TMEM131: variants seen among roughly 807,000 people sequenced by gnomAD.
TMEM131 encodes 2610524E03Rik.
A neutral mutation model predicts 211.6 loss-of-function variants in TMEM131; 66 were observed. That is an observed-to-expected ratio of 0.31 (90% CI 0.26 to 0.38). The LOEUF is 0.38. TMEM131 is among the 10% of genes least tolerant of loss of function. TMEM131 has a pLI of 1.00. For synonymous variants in TMEM131, 844 were observed against 841.3 expected, an observed-to-expected ratio of 1.00 and a Z score of -0.06; for missense variants, 2,036 against 2,299.3, an observed-to-expected ratio of 0.89 and a Z score of 2.34.
chr2:97,937,825 C>T (rs927873369), intron 1 of TMEM131, among the ~76,000 whole-genome samples: 2 of 152,126 alleles, frequency 1.3e-5, no homozygotes, highest in African/African-American at 4.8e-5. Flanking sequence ...AGACTAACAG[C>T]GGATCTCTCT....
At chr2:97,844,049 T>G (rs1683316915) in intron 6 of TMEM131, 96 bp downstream of exon 6, 1 of 381,896 alleles carries the variant, frequency 2.6e-6, no homozygotes, top group South Asian at 1.3e-4. Flanking sequence ...CATTTTCTAT[T>G]ATCCTTTGAG....
rs539320627 is a variant in TMEM131, at chr2:97,908,350, C to T, written c.290+308G>A. 7.2e-5 allele frequency among the ~76,000 whole-genome samples: 11 copies of T among 152,258 alleles called. 1 individual carries two copies. The South Asian group carries it at 2.3e-3, about 32-fold the overall frequency. ...GCAGCAGTGGTCAGTACATCAAAAG[C>T]AGGGATAGCCACAAGAGAAGCCTCT... On this transcript the variant is annotated intron_variant, in intron 3 of 40. Coordinates refer to ENST00000186436, the MANE Select transcript of TMEM131 (RefSeq NM_015348.2).
At chr2:97,955,852 T>G (rs1678543207) in intron 1 of TMEM131, among the ~76,000 whole-genome samples, 1 of 152,040 alleles carries the variant, frequency 6.6e-6, no homozygotes, top group African/African-American at 2.4e-5. Flanking sequence ...AAAGAAAACC[T>G]AAATAAATGA....
intron 31 of TMEM131, among the ~76,000 whole-genome samples, chr2:97,782,270 G>C (rs1387221754): frequency 1.3e-5 from 2 of 152,192 alleles, no homozygotes; most frequent in Non-Finnish European, 2.9e-5. Context: ...CCCTGCCCTT[G>C]CGAGTCAACA....
In TMEM131 at chr2:97,802,800, C is replaced by T. The variant is rs556979621; in HGVS notation, c.2403-10G>A. ...AAATATAGCACTCAATCTAGAAAAA[C>T]AATTTGTAAGTCACTGTATCAAAAT... On this transcript the variant is annotated splice_polypyrimidine_tract_variant and intron_variant, in intron 22 of 40. Transcript: ENST00000186436. The T allele has an allele frequency of 1.6e-5, 24 of 1,531,574 alleles. No individual in the cohort carries two copies. In the African/African-American group the frequency reaches 2.8e-4, roughly 18 times the overall value. The allele number at this position is 1,531,574 out of a possible 1,614,324, so 94.9% of individuals were successfully genotyped here.
At chr2:97,906,063 G>C (rs1350012936) in intron 3 of TMEM131, among the ~76,000 whole-genome samples, 3 of 152,194 alleles carry the variant, frequency 2.0e-5, no homozygotes, top group Admixed American at 1.3e-4. Context: ...AAGCCTCTCA[G>C]GGTTTAGTTG....
At chr2:97,983,459 G>C (rs116834002) in intron 1 of TMEM131, among the ~76,000 whole-genome samples, 1,820 of 152,186 alleles carry the variant, frequency 0.012, 40 homozygotes, top group African/African-American at 0.041. Flanking sequence ...TCCTGTCTAG[G>C]CGCCACTAAG....
chr2:97,761,813 A>C, intron 36 of TMEM131: 1 of 497,728 alleles, frequency 2.0e-6, no homozygotes, highest in Non-Finnish European at 3.5e-6. Flanking sequence ...ACAGGTGGTA[A>C]GAATGAATGG....
At chr2:97,988,558 G>A (rs758673318) in intron 1 of TMEM131, among the ~76,000 whole-genome samples, 3 of 152,110 alleles carry the variant, frequency 2.0e-5, no homozygotes, top group African/African-American at 7.2e-5. Context: ...AATATATAAG[G>A]AACTCCTATA....
At chr2:97,894,630 T>C (rs991831383) in intron 3 of TMEM131, among the ~76,000 whole-genome samples, 1 of 152,218 alleles carries the variant, frequency 6.6e-6, no homozygotes, top group African/African-American at 2.4e-5. Flanking sequence ...AGGTATTTTG[T>C]TCTCTTTGTA....
intron 1 of TMEM131, among the ~76,000 whole-genome samples, chr2:97,974,600 G>C (rs1167245677): frequency 6.8e-6 from 1 of 146,706 alleles, no homozygotes. Context: ...AAAGTATCAA[G>C]AGAAAAAAAA....
intron 1 of TMEM131, among the ~76,000 whole-genome samples, chr2:97,952,094 G>A (rs1365767658): frequency 2.0e-5 from 3 of 151,326 alleles, no homozygotes; most frequent in African/African-American, 7.3e-5. Flanking sequence ...GAGGCGGAGG[G>A]TGCAGTGAGC....
chr2:97,816,003 T>A (rs1443763213), intron 12 of TMEM131, among the ~76,000 whole-genome samples: 1 of 152,178 alleles, frequency 6.6e-6, no homozygotes, highest in African/African-American at 2.4e-5. Context: ...TATTATATTG[T>A]CCTCATCTTA....
chr2:97,945,727 T>A (rs1559466442), intron 1 of TMEM131, among the ~76,000 whole-genome samples: 1 of 150,500 alleles, frequency 6.6e-6, no homozygotes, highest in Non-Finnish European at 1.5e-5. Context: ...GTAAAGAATA[T>A]GAATGTTTTT....
intron 4 of TMEM131, 75 bp from the exon 5 acceptor site, chr2:97,859,502 T>C (rs910878765): frequency 3.8e-6 from 5 of 1,301,312 alleles, no homozygotes; most frequent in Non-Finnish European, 5.1e-6. Flanking sequence ...AAAAAATTAA[T>C]CAAAATTGTT....
At chr2:97,826,950 A>C (rs1390606145) in intron 11 of TMEM131, among the ~76,000 whole-genome samples, 1 of 151,938 alleles carries the variant, frequency 6.6e-6, no homozygotes, top group Non-Finnish European at 1.5e-5. Context: ...ATCTTAACTA[A>C]TTACTATACA....
chr2:97,986,513 G>A (rs898967775), intron 1 of TMEM131, among the ~76,000 whole-genome samples: 1 of 152,058 alleles, frequency 6.6e-6, no homozygotes, highest in African/African-American at 2.4e-5. Context: ...CAATAAAACT[G>A]GACCTAATTC....
In TMEM131 at chr2:97,805,520, A is replaced by G. The variant is rs77545844; in HGVS notation, c.2208+31T>C. The G allele has an allele frequency of 2.1e-3, 3,321 of 1,610,538 alleles. 61 individuals are homozygous for G. The African/African-American group carries it at 0.039, about 19-fold the overall frequency. On this transcript the variant is annotated intron_variant, in intron 20 of 40. Transcript: ENST00000186436. ...AGGTCATAAAACAAAATGTTAACCA[A>G]TGGGAATTCTCAAATATAATATCTT...
chr2:97,767,870 T>C (rs1679252104), intron 33 of TMEM131, among the ~76,000 whole-genome samples: 1 of 152,192 alleles, frequency 6.6e-6, no homozygotes, highest in Non-Finnish European at 1.5e-5. Flanking sequence ...AGCTAGGTTC[T>C]GGGTCAGAGG....
Sources: allele counts gnomAD v4.1 joint callset (sites outside exome capture counted in the v4.1 genomes callset), GRCh38; gene constraint gnomAD v4.1.1; transcripts MANE v1.5; gene names NCBI Gene and HGNC (gene_info 2026-07-23, HGNC 2026-07-21).